KHDRBS2: variants seen among roughly 807,000 people sequenced by gnomAD.
KHDRBS2 encodes the protein KH RNA binding domain containing, signal transduction associated 2.
In KHDRBS2, 26 loss-of-function variants were observed where a neutral mutation model predicts 44.3. The ratio of observed to expected loss-of-function variants is 0.59; its 90% CI spans 0.43 to 0.81. KHDRBS2 has a LOEUF of 0.81. Among genes scored for constraint, KHDRBS2 ranks in the 40% least tolerant of loss-of-function variants. KHDRBS2 has a pLI of 0.00. For synonymous variants in KHDRBS2, 194 were observed against 151.1 expected, an observed-to-expected ratio of 1.28 and a Z score of -2.08; for missense variants, 476 against 433.1, an observed-to-expected ratio of 1.10 and a Z score of -0.88.
the KHDRBS2 span, among the ~76,000 whole-genome samples, chr6:61,542,843 G>T: frequency 6.6e-6 from 1 of 151,982 alleles, no homozygotes; most frequent in Non-Finnish European, 1.5e-5. Flanking sequence ...GAAAATTTGA[G>T]TGGAGTTTAG....
At chr6:62,097,740 G>C (rs1438535085) in intron 2 of KHDRBS2, among the ~76,000 whole-genome samples, 1 of 152,014 alleles carries the variant, frequency 6.6e-6, no homozygotes, top group Non-Finnish European at 1.5e-5. Flanking sequence ...GCTAAGTAAG[G>C]CCTTACTACT....
chr6:62,238,399 C>G (rs1428927609), intron 1 of KHDRBS2, among the ~76,000 whole-genome samples: 1 of 152,026 alleles, frequency 6.6e-6, no homozygotes, highest in Non-Finnish European at 1.5e-5. Context: ...TTTTGTAATT[C>G]CAACACTTTA....
the KHDRBS2 span, among the ~76,000 whole-genome samples, chr6:61,579,436 C>A: frequency 6.6e-6 from 1 of 152,280 alleles, no homozygotes; most frequent in Non-Finnish European, 1.5e-5. Flanking sequence ...TGACCTCACA[C>A]TTCTCATTTT....
chr6:62,255,657 A>G (rs559491596), intron 1 of KHDRBS2, among the ~76,000 whole-genome samples: 59 of 141,966 alleles, frequency 4.2e-4, no homozygotes, highest in African/African-American at 1.5e-3. Flanking sequence ...CACACACACA[A>G]TGTAGAAATA....
At chr6:61,763,811 TA>T (rs1405579692) in intron 6 of KHDRBS2, among the ~76,000 whole-genome samples, 3 of 152,164 alleles carry the variant, frequency 2.0e-5, no homozygotes, top group African/African-American at 4.8e-5. Flanking sequence ...ACTATTTTTA[TA>T]AAAAAATTTA....
the KHDRBS2 span, among the ~76,000 whole-genome samples, chr6:61,550,276 T>C: frequency 6.6e-6 from 1 of 152,140 alleles, no homozygotes; most frequent in Non-Finnish European, 1.5e-5. Context: ...CAGTTCCCAC[T>C]TAGTAGTGAG....
At chr6:61,785,748 AT>A (rs889520327) in intron 6 of KHDRBS2, among the ~76,000 whole-genome samples, 2 of 152,104 alleles carry the variant, frequency 1.3e-5, no homozygotes, top group Non-Finnish European at 2.9e-5. Flanking sequence ...TTTAGAATAT[AT>A]TTTTTAAAAG....
chr6:61,580,125 T>C, the KHDRBS2 span, among the ~76,000 whole-genome samples: 3 of 152,174 alleles, frequency 2.0e-5, no homozygotes, highest in Non-Finnish European at 2.9e-5. Flanking sequence ...AAAGAGAAGA[T>C]TGATGGGTCA....
At chr6:61,989,813 A>G (rs1266987313) in intron 3 of KHDRBS2, among the ~76,000 whole-genome samples, 2 of 152,148 alleles carry the variant, frequency 1.3e-5, no homozygotes, top group Non-Finnish European at 2.9e-5. Flanking sequence ...TGCAATCAGC[A>G]TTGATTTGTC....
intron 2 of KHDRBS2, among the ~76,000 whole-genome samples, chr6:62,156,545 T>C (rs1816423998): frequency 6.6e-6 from 1 of 152,240 alleles, no homozygotes; most frequent in Non-Finnish European, 1.5e-5. Flanking sequence ...TCACATTTTG[T>C]TAGATTTCAT....
the KHDRBS2 span, among the ~76,000 whole-genome samples, chr6:61,674,825 C>A: frequency 2.0e-5 from 3 of 151,546 alleles, no homozygotes; most frequent in Non-Finnish European, 4.4e-5. Flanking sequence ...AGAAACAAGA[C>A]AAAACAACCC....
chr6:61,954,349 A>ATATGTATGCATACATATATACG (rs1562509149), intron 4 of KHDRBS2, among the ~76,000 whole-genome samples: 3,287 of 115,180 alleles, frequency 0.029, 343 homozygotes, highest in African/African-American at 0.12. Context: ...ATAGATATAC[A>ATATGTATGCATACATATATACG]TATGTATGCA....
At chr6:61,564,270 T>C in the KHDRBS2 span, among the ~76,000 whole-genome samples, 1 of 152,144 alleles carries the variant, frequency 6.6e-6, no homozygotes, top group East Asian at 1.9e-4. Flanking sequence ...CTGAATACTA[T>C]AAAGGTAGTA....
intron 6 of KHDRBS2, among the ~76,000 whole-genome samples, chr6:61,751,744 T>C (rs985513154): frequency 2.6e-5 from 4 of 152,200 alleles, no homozygotes; most frequent in African/African-American, 9.6e-5. Flanking sequence ...AGAGCTGCCA[T>C]CAGAAAATAC....
chr6:61,572,066 A>G, the KHDRBS2 span, among the ~76,000 whole-genome samples: 4 of 152,134 alleles, frequency 2.6e-5, no homozygotes, highest in African/African-American at 9.6e-5. Context: ...TTGATAGATC[A>G]TCAGAAATAT....
At chr6:62,175,489 T>C (rs1200808782) in intron 2 of KHDRBS2, among the ~76,000 whole-genome samples, 1 of 151,562 alleles carries the variant, frequency 6.6e-6, no homozygotes, top group African/African-American at 2.4e-5. Flanking sequence ...GTAACTGCAC[T>C]AAAGATTTCC....
chr6:61,686,791 T>C (rs1027789859), intron 8 of KHDRBS2, among the ~76,000 whole-genome samples: 2 of 148,212 alleles, frequency 1.3e-5, no homozygotes, highest in African/African-American at 5.0e-5. Flanking sequence ...TTTTTCCTCT[T>C]TTTTTCCCCC....
At chr6:61,986,155 C>A (rs908474244) in intron 3 of KHDRBS2, among the ~76,000 whole-genome samples, 2 of 152,224 alleles carry the variant, frequency 1.3e-5, no homozygotes, top group East Asian at 3.9e-4. Flanking sequence ...AGGGAGACTG[C>A]GGACCTCTCA....
chr6:61,610,820 G>C, the KHDRBS2 span, among the ~76,000 whole-genome samples: 1 of 152,164 alleles, frequency 6.6e-6, no homozygotes, highest in Non-Finnish European at 1.5e-5. Context: ...GGTCTCACAC[G>C]TTGAGAAGTA....
Sources: allele counts gnomAD v4.1 joint callset (sites outside exome capture counted in the v4.1 genomes callset), GRCh38; gene constraint gnomAD v4.1.1; transcripts MANE v1.5; gene names NCBI Gene and HGNC (gene_info 2026-07-23, HGNC 2026-07-21).